The following FBXL2 variants were observed in gnomAD, a reference collection of about 807,000 sequenced individuals.
The protein encoded by FBXL2 is F-box and leucine rich repeat protein 2, also known as F-box/LRR-repeat protein 2.
A neutral mutation model predicts 69.2 loss-of-function variants in FBXL2; 38 were observed. The observed-to-expected ratio is 0.55, with a 90% CI of 0.42 to 0.72. The LOEUF is 0.72. Among genes scored for constraint, FBXL2 ranks in the 30% least tolerant of loss-of-function variants. The pLI is 0.00. For missense variants in FBXL2, 354 were observed against 520.3 expected, an observed-to-expected ratio of 0.68 and a Z score of 3.11; for synonymous variants, 192 against 201.3, an observed-to-expected ratio of 0.95 and a Z score of 0.39.
chr3:33,340,990 T>C (rs1449175970), intron 2 of FBXL2, among the ~76,000 whole-genome samples: 1 of 151,948 alleles, frequency 6.6e-6, no homozygotes, highest in Non-Finnish European at 1.5e-5. Context: ...TGGATGAGAC[T>C]TTTCTTTAGT....
intron 2 of FBXL2, among the ~76,000 whole-genome samples, chr3:33,331,321 G>A (rs939994876): frequency 6.6e-6 from 1 of 152,062 alleles, no homozygotes; most frequent in South Asian, 2.1e-4. Flanking sequence ...TAACATTCCA[G>A]TTACAGGTAT....
At chr3:33,375,525 G>A (rs556955813) in intron 10 of FBXL2, 107 bp downstream of exon 10, 329 of 1,323,322 alleles carry the variant, frequency 2.5e-4, no homozygotes, top group Non-Finnish European at 3.2e-4. Flanking sequence ...GGTGGAGGCA[G>A]TAGTTATGTT....
chr3:33,364,913 G>C, intron 5 of FBXL2, among the ~76,000 whole-genome samples, 194 bp downstream of exon 5: 1 of 152,168 alleles, frequency 6.6e-6, no homozygotes, highest in Non-Finnish European at 1.5e-5. Flanking sequence ...TTAGGGATGT[G>C]ACCTTGGGAC....
At chr3:33,335,171 A>G (rs763083002) in intron 2 of FBXL2, among the ~76,000 whole-genome samples, 1 of 151,958 alleles carries the variant, frequency 6.6e-6, no homozygotes, top group Non-Finnish European at 1.5e-5. Context: ...GCCAAATTAT[A>G]TATATATTCA....
At chr3:33,397,002 A>T in intron 12 of FBXL2, 1 of 1,545,070 alleles carries the variant, frequency 6.5e-7, no homozygotes, top group Non-Finnish European at 8.9e-7. Context: ...ACGCGAAGAA[A>T]GGTACATTCT....
At chr3:33,306,331 T>C (rs1482702871) in intron 2 of FBXL2, among the ~76,000 whole-genome samples, 1 of 152,114 alleles carries the variant, frequency 6.6e-6, no homozygotes, top group African/African-American at 2.4e-5. Context: ...AATATCCTTG[T>C]AGACACCACG....
chr3:33,297,586 A>G (rs929577729), intron 1 of FBXL2, 78 bp from the exon 2 acceptor site: 6 of 826,770 alleles, frequency 7.3e-6, no homozygotes, highest in Non-Finnish European at 1.2e-5. Flanking sequence ...GTTCTGATCT[A>G]GTAGTATAAA....
the FBXL2 span, among the ~76,000 whole-genome samples, chr3:33,409,856 G>A: frequency 6.6e-6 from 1 of 152,160 alleles, no homozygotes; most frequent in Non-Finnish European, 1.5e-5. Flanking sequence ...TGCAGGACTT[G>A]GGTCCAATCA....
chr3:33,301,778 T>G (rs1420036749), intron 2 of FBXL2, among the ~76,000 whole-genome samples: 1 of 152,226 alleles, frequency 6.6e-6, no homozygotes, highest in African/African-American at 2.4e-5. Context: ...GTGGAAGTAC[T>G]TAATTTGTTG....
the FBXL2 span, among the ~76,000 whole-genome samples, chr3:33,417,921 G>A: frequency 6.6e-6 from 1 of 152,084 alleles, no homozygotes; most frequent in Non-Finnish European, 1.5e-5. Context: ...TCACTCCAAG[G>A]CTGGTGAAGG....
At chr3:33,334,994 G>A (rs1157989599) in intron 2 of FBXL2, among the ~76,000 whole-genome samples, 1 of 151,994 alleles carries the variant, frequency 6.6e-6, no homozygotes, top group Non-Finnish European at 1.5e-5. Context: ...TCAGCTACCT[G>A]GGAGGCTGAG....
At chr3:33,407,629 T>C (rs1048611457), downstream of FBXL2, among the ~76,000 whole-genome samples, 3 of 152,146 alleles carry the variant, frequency 2.0e-5, no homozygotes, top group Non-Finnish European at 2.9e-5. Context: ...TTCAGTTTCA[T>C]TGCATAGAGA....
At chr3:33,335,226 CTG>C (rs1009307812) in intron 2 of FBXL2, among the ~76,000 whole-genome samples, 1 of 149,852 alleles carries the variant, frequency 6.7e-6, no homozygotes, top group African/African-American at 2.5e-5. Flanking sequence ...AAAAAAAAAA[CTG>C]AGAGGATTCA....
chr3:33,299,641 G>C (rs10428175), intron 2 of FBXL2, among the ~76,000 whole-genome samples: 11,688 of 152,178 alleles, frequency 0.077, 519 homozygotes, highest in Admixed American at 0.098. Context: ...TCACATTTCA[G>C]GGACTTCAGA....
At chr3:33,367,964 C>A (rs1354875408) in intron 5 of FBXL2, among the ~76,000 whole-genome samples, 1 of 152,082 alleles carries the variant, frequency 6.6e-6, no homozygotes, top group African/African-American at 2.4e-5. Flanking sequence ...CTTCCATGAC[C>A]CATGGGTTGT....
intron 2 of FBXL2, among the ~76,000 whole-genome samples, chr3:33,341,637 C>G (rs1423466583): frequency 6.6e-6 from 1 of 151,842 alleles, no homozygotes; most frequent in Non-Finnish European, 1.5e-5. Flanking sequence ...TGAGACCAAC[C>G]TGGCCAACAT....
chr3:33,324,932 T>C (rs1285060847), intron 2 of FBXL2, among the ~76,000 whole-genome samples: 2 of 152,208 alleles, frequency 1.3e-5, no homozygotes, highest in Non-Finnish European at 2.9e-5. Flanking sequence ...TTCCTATCCA[T>C]GAGCATGGAA....
In FBXL2 at chr3:33,364,659, G is replaced by A. The variant is rs1303097907; in HGVS notation, c.230G>A (p.Gly77Asp). The A allele has an allele frequency of 6.2e-7, 1 of 1,614,204 alleles. No homozygotes were observed. Among genetic ancestry groups the A allele is most frequent in the Non-Finnish European group, 8.5e-7 (1 of 1,180,038 alleles). Residue 77 changes from glycine to aspartate, a missense_variant, in exon 5 of 15, where the codon GGT becomes GAT. Coordinates refer to ENST00000484457, the MANE Select transcript of FBXL2 (RefSeq NM_012157.5). ...GTGGAAAATATCTCGAAGCGATGCGGTGGATTCCTGAGGAAGCTCAGCTTG... is the reference window on the plus strand; with the variant it reads ...GTGGAAAATATCTCGAAGCGATGCGATGGATTCCTGAGGAAGCTCAGCTTG... ...RVVENISKRC[G>D]GFLRKLSLRG...
At chr3:33,358,796 T>A (rs2154041085) in intron 2 of FBXL2, among the ~76,000 whole-genome samples, 171 bp from the exon 3 acceptor site, 1 of 152,362 alleles carries the variant, frequency 6.6e-6, no homozygotes. Context: ...TGCAAACACT[T>A]AATATTTCAC....
Sources: allele counts gnomAD v4.1 joint callset (sites outside exome capture counted in the v4.1 genomes callset), GRCh38; gene constraint gnomAD v4.1.1; transcripts MANE v1.5; gene names NCBI Gene and HGNC (gene_info 2026-07-23, HGNC 2026-07-21).